Variants in CMIP observed in about 807,000 individuals in gnomAD.
CMIP encodes C-Maf-inducing protein.
CMIP carries 13 observed loss-of-function variants against 97.3 expected under a neutral mutation model. The observed-to-expected ratio is 0.13, with a 90% CI of 0.09 to 0.21. The LOEUF is 0.21. Among genes scored for constraint, CMIP ranks in the 10% least tolerant of loss-of-function variants. The pLI, the probability that CMIP is intolerant of heterozygous loss-of-function variation, is 1.00. For synonymous variants in CMIP, 538 were observed against 436.3 expected, an observed-to-expected ratio of 1.23 and a Z score of -2.91; for missense variants, 847 against 1,024.9, an observed-to-expected ratio of 0.83 and a Z score of 2.37.
At chr16:81,615,139 CTGTG>C (rs545995364) in intron 2 of CMIP, among the ~76,000 whole-genome samples, 1 of 75,078 alleles carries the variant, frequency 1.3e-5, no homozygotes, top group African/African-American at 5.2e-5. Context: ...GTATGTATGT[CTGTG>C]TGATGTGTGT....
intron 3 of CMIP, among the ~76,000 whole-genome samples, chr16:81,635,071 G>T (rs969365006): frequency 3.3e-5 from 5 of 152,214 alleles, no homozygotes; most frequent in African/African-American, 1.2e-4. Context: ...ACACCACAGA[G>T]GAAGAGCAGG....
At chr16:81,533,017 G>T (rs1221121488) in intron 1 of CMIP, among the ~76,000 whole-genome samples, 1 of 152,000 alleles carries the variant, frequency 6.6e-6, no homozygotes, top group Admixed American at 6.6e-5. Context: ...ACGCTCCCTC[G>T]CTTCCCTCCT....
intron 15 of CMIP, 73 bp from the exon 16 acceptor site, chr16:81,701,587 C>T (rs913359672): frequency 2.5e-6 from 4 of 1,606,426 alleles, no homozygotes; most frequent in African/African-American, 2.7e-5. Context: ...AAACAAGGCC[C>T]TTGGGGTGCA....
At chr16:81,611,777 T>G (rs1460577292) in intron 2 of CMIP, among the ~76,000 whole-genome samples, 1 of 152,220 alleles carries the variant, frequency 6.6e-6, no homozygotes, top group Non-Finnish European at 1.5e-5. Context: ...ACTCTTACTT[T>G]GTTAGAATTT....
rs528704085 is a variant in CMIP, at chr16:81,476,486, C to T, written c.300+30945C>T. 9 of 739,364 alleles carry T rather than the reference C, an allele frequency of 1.2e-5. No homozygotes were observed. The Admixed American group carries it at 1.2e-4, about 10-fold the overall frequency. The allele number at this position is 739,364 out of a possible 1,614,324, so 45.8% of individuals were successfully genotyped here. A position where few individuals can be genotyped will look rare whatever the true frequency, so the allele number is the denominator to read the frequency against. ...ATGCGGCCCAAGGGCTCGCCGTTGACAGCGATGTCAGAGAACACAGTGGGG... is the reference window on the plus strand; with the variant it reads ...ATGCGGCCCAAGGGCTCGCCGTTGATAGCGATGTCAGAGAACACAGTGGGG... On this transcript the variant is annotated intron_variant, in intron 1 of 20. Coordinates refer to ENST00000537098, the MANE Select transcript of CMIP (RefSeq NM_198390.3).
At chr16:81,676,767 C>T (rs1048141543) in intron 9 of CMIP, among the ~76,000 whole-genome samples, 2 of 152,216 alleles carry the variant, frequency 1.3e-5, no homozygotes, top group Admixed American at 6.5e-5. Context: ...GGTTCAAGTT[C>T]TGCACACAGC....
At chr16:81,669,559 ACTTC>A (rs567146135) in intron 7 of CMIP, among the ~76,000 whole-genome samples, 33 of 97,370 alleles carry the variant, frequency 3.4e-4, no homozygotes, top group East Asian at 2.1e-3. Flanking sequence ...CCCACTTCAT[ACTTC>A]CTTCCACACC....
chr16:81,598,041 C>T (rs1042054623), intron 1 of CMIP, among the ~76,000 whole-genome samples: 3 of 152,004 alleles, frequency 2.0e-5, no homozygotes, highest in Non-Finnish European at 4.4e-5. Flanking sequence ...TAACTGTTCC[C>T]CTGTAGTTCT....
At chr16:81,516,480 C>T (rs1597494822) in intron 1 of CMIP, among the ~76,000 whole-genome samples, 1 of 152,316 alleles carries the variant, frequency 6.6e-6, no homozygotes. Flanking sequence ...GAAGCCCTCC[C>T]CACTCCCTTC....
intron 1 of CMIP, among the ~76,000 whole-genome samples, chr16:81,605,207 C>A (rs944853997): frequency 6.6e-6 from 1 of 152,194 alleles, no homozygotes; most frequent in African/African-American, 2.4e-5. Context: ...CAGGCCAGAA[C>A]AGTGAAGGGC....
rs192247035 is a variant in CMIP, at chr16:81,584,088, C to T, written c.301-23479C>T. ...CACTAGATTCAAGGGCTGGGAGCGC[C>T]GAATCCAAGGGAGAAGTGGAGTTGG... is the stretch of plus-strand genomic sequence containing the variant. On this transcript the variant is annotated intron_variant, in intron 1 of 20. Transcript: ENST00000537098. Among the ~76,000 whole-genome samples, 11 of 152,184 alleles carry T rather than the reference C, an allele frequency of 7.2e-5. No individual in the cohort carries two copies. The South Asian group carries it at 1.2e-3, about 17-fold the overall frequency.
chr16:81,693,152 T>G lies in CMIP; in HGVS notation c.1455-6T>G, dbSNP rs750772578. ...ACCGCCGTGTTTTCCCCTGTTTTTG[T>G]TGCAGAGCTCTCGCACATGAGAAGT... is the stretch of plus-strand genomic sequence containing the variant. On this transcript the variant is annotated splice_polypyrimidine_tract_variant and splice_region_variant and intron_variant, in intron 11 of 20. Coordinates refer to ENST00000537098, the MANE Select transcript of CMIP (RefSeq NM_198390.3). 1 of 1,612,866 alleles carries G rather than the reference T, an allele frequency of 6.2e-7. No homozygotes were observed. The highest frequency in any genetic ancestry group is 2.2e-5 in the East Asian group (1 of 44,890).
intron 1 of CMIP, among the ~76,000 whole-genome samples, chr16:81,561,277 T>G (rs1179161878): frequency 1.3e-5 from 2 of 152,100 alleles, no homozygotes; most frequent in Non-Finnish European, 2.9e-5. Context: ...CACCTAATAT[T>G]TTAGGTGATC....
chr16:81,590,872 A>ATCC (rs1567597857), intron 1 of CMIP, among the ~76,000 whole-genome samples: 3 of 134,836 alleles, frequency 2.2e-5, no homozygotes, highest in Non-Finnish European at 5.0e-5. Context: ...TCCATCCATC[A>ATCC]CATTTCTATT....
At chr16:81,705,997 C>T (rs1044356040) in intron 19 of CMIP, among the ~76,000 whole-genome samples, 1 of 152,188 alleles carries the variant, frequency 6.6e-6, no homozygotes, top group South Asian at 2.1e-4. Flanking sequence ...CAAGCCCACT[C>T]CAGACCTCCT....
At chr16:81,474,183 A>T (rs1907738733) in intron 1 of CMIP, among the ~76,000 whole-genome samples, 1 of 151,900 alleles carries the variant, frequency 6.6e-6, no homozygotes, top group Admixed American at 6.6e-5. Context: ...CCCCCTGCTC[A>T]GAGCTTGTGG....
intron 4 of CMIP, among the ~76,000 whole-genome samples, chr16:81,653,602 C>G (rs1202863995): frequency 6.6e-6 from 1 of 152,226 alleles, no homozygotes; most frequent in Non-Finnish European, 1.5e-5. Context: ...GACTTCTCAT[C>G]TGGAGAAGGG....
intron 7 of CMIP, chr16:81,664,705 A>G (rs149797526): frequency 1.6e-3 from 726 of 457,804 alleles, no homozygotes; most frequent in Middle Eastern, 1.6e-3. Context: ...GCGCACAGCG[A>G]GGTCCTTCCA....
chr16:81,608,996 A>G (rs1458301343), intron 2 of CMIP, among the ~76,000 whole-genome samples: 1 of 152,184 alleles, frequency 6.6e-6, no homozygotes, highest in Non-Finnish European at 1.5e-5. Flanking sequence ...GCTCCAAGGA[A>G]TGCTGAGCTC....
Sources: gnomAD v4.1 joint callset for allele counts (sites outside exome capture counted in the v4.1 genomes callset) on GRCh38, gnomAD v4.1.1 for gene constraint, MANE v1.5 for transcripts, NCBI Gene and HGNC (gene_info 2026-07-23, HGNC 2026-07-21) for gene names.